The following VPS50 variants were observed in gnomAD, a reference collection of about 807,000 sequenced individuals.
VPS50 encodes the protein VPS50 subunit of EARP/GARPII complex, also known as syndetin.
In VPS50, 70 loss-of-function variants were observed where a neutral mutation model predicts 139.7. The ratio of observed to expected loss-of-function variants is 0.50; its 90% confidence interval spans 0.41 to 0.61. VPS50 has a LOEUF of 0.61. VPS50 is among the 20% of genes least tolerant of loss of function. The pLI, the probability that VPS50 is intolerant of heterozygous loss-of-function variation, is 0.00. For missense variants in VPS50, 921 were observed against 1,133.7 expected, an observed-to-expected ratio of 0.81 and a Z score of 2.69; for synonymous variants, 365 against 376.7, an observed-to-expected ratio of 0.97 and a Z score of 0.36.
intron 3 of VPS50, among the ~76,000 whole-genome samples, chr7:93,253,148 G>A (rs28384209): frequency 0.02 from 3,048 of 152,250 alleles, 113 homozygotes; most frequent in African/African-American, 0.069. Context: ...ATGCCATAGT[G>A]TTTATAATAC....
intron 11 of VPS50, among the ~76,000 whole-genome samples, chr7:93,275,322 G>A (rs944992287): frequency 7.2e-5 from 11 of 152,114 alleles, no homozygotes; most frequent in Admixed American, 5.9e-4. Flanking sequence ...AAACAGCATC[G>A]CATGCTACAG....
chr7:93,349,976 A>G lies in VPS50; in HGVS notation c.2406A>G (p.Lys802=). 6.2e-7 allele frequency: 1 copy of G among 1,613,000 alleles called. No homozygotes were observed. The highest frequency in any genetic ancestry group is 8.5e-7 in the Non-Finnish European group (1 of 1,179,072). ...TGCTGCTTCTCATGGCTAATGTGAA[A>G]TGGGATGTAAAAGAAATTATGTCAC... ...EQMLLLMANV[K]WDVKEIMSQH... The change falls in exon 25 of 28, where the codon AAA becomes AAG. Residue 802 remains lysine, a synonymous_variant. Transcript: ENST00000305866.
At chr7:93,285,155 C>G in intron 12 of VPS50, among the ~76,000 whole-genome samples, 1 of 150,844 alleles carries the variant, frequency 6.6e-6, no homozygotes, top group Non-Finnish European at 1.5e-5. Context: ...TGATAACCAA[C>G]CCTTTGTTGT....
chr7:93,340,524 T>C (rs568622272), intron 22 of VPS50: 2 of 152,282 alleles, frequency 1.3e-5, no homozygotes, highest in African/African-American at 4.8e-5. Context: ...ATGAGTCCCT[T>C]GCTATGTATT....
chr7:93,242,338 G>C (rs974357179), intron 2 of VPS50, among the ~76,000 whole-genome samples: 1 of 151,784 alleles, frequency 6.6e-6, no homozygotes, highest in Non-Finnish European at 1.5e-5. Flanking sequence ...AGGGCGATGA[G>C]ATAAACTCCT....
Position 93,353,837 on chromosome 7 carries a change from G to A in VPS50, c.2585+76G>A, listed in dbSNP as rs182161602. On this transcript the variant is annotated intron_variant, in intron 26 of 27. Coordinates refer to ENST00000305866, the MANE Select transcript of VPS50 (RefSeq NM_017667.4). Reference sequence around the variant, plus strand: ...ATATGAATAACATACGGTATTAATGGTTGGAGAGAATAAGTAGAAATAATA... The same window carrying A: ...ATATGAATAACATACGGTATTAATGATTGGAGAGAATAAGTAGAAATAATA... 1.6e-5 allele frequency: 18 copies of A among 1,155,048 alleles called. No individual in the cohort carries two copies. In the Admixed American group the frequency reaches 3.7e-4, roughly 24 times the overall value. 71.5% of individuals were successfully genotyped at this position (1,155,048 alleles called of 1,614,324 possible). A position where few individuals can be genotyped will look rare whatever the true frequency, so the allele number is the denominator to read the frequency against.
intron 1 of VPS50, among the ~76,000 whole-genome samples, chr7:93,236,395 C>T (rs1043154643): frequency 6.6e-6 from 1 of 152,138 alleles, no homozygotes; most frequent in Non-Finnish European, 1.5e-5. Context: ...CACAAATCAT[C>T]ACAGATGCTT....
intron 12 of VPS50, among the ~76,000 whole-genome samples, chr7:93,276,584 T>G (rs887650708): frequency 2.4e-4 from 37 of 152,190 alleles, no homozygotes; most frequent in Non-Finnish European, 4.1e-4. Context: ...GGCTCCAAAT[T>G]ATCTCTTATG....
At position 93,334,139 on chromosome 7, in the gene VPS50, T is replaced by C. The variant is rs1351378540; in HGVS notation, c.2000T>C (p.Leu667Pro). ...NDSLESTGLG[L>P]SSSRLRTTLN... ...CAGTTGGAATCAACTGGACTCGGCC[T>C]TAGTAGTAGTAGACTAAGAACAACT... Residue 667 changes from leucine to proline, a missense_variant, in exon 22 of 28, where the codon CTT (leucine) becomes CCT (proline). Coordinates refer to ENST00000305866, the MANE Select transcript of VPS50 (RefSeq NM_017667.4). 2 of 1,599,272 alleles carry C rather than the reference T, an allele frequency of 1.3e-6. No individual in the cohort carries two copies. The highest frequency in any genetic ancestry group is 1.7e-6 in the Non-Finnish European group (2 of 1,169,136).
In VPS50 at chr7:93,303,557, G is replaced by A; in HGVS notation, c.1452+7G>A. The A allele has an allele frequency of 1.5e-6, 2 of 1,357,350 alleles. No individual in the cohort carries two copies. The highest frequency in any genetic ancestry group is 2.4e-5 in the East Asian group (1 of 42,182). 84.1% of individuals were successfully genotyped at this position (1,357,350 alleles called of 1,614,324 possible). A position where few individuals can be genotyped will look rare whatever the true frequency, so the allele number is the denominator to read the frequency against. On this transcript the variant is annotated splice_region_variant and intron_variant, in intron 17 of 27. Coordinates refer to ENST00000305866, the MANE Select transcript of VPS50 (RefSeq NM_017667.4). The stretch of plus-strand genomic sequence containing the variant: ...CAGCATCTTGCAACTTCATGTAAGT[G>A]TTTCTTAAGAACAAAGAAATCTGTC...
intron 22 of VPS50, among the ~76,000 whole-genome samples, chr7:93,337,003 G>T (rs1798085788): frequency 6.6e-6 from 1 of 152,086 alleles, no homozygotes; most frequent in African/African-American, 2.4e-5. Context: ...TTTACTTATT[G>T]TACTCCTATA....
At chr7:93,242,497 CAT>C (rs918131977) in intron 2 of VPS50, among the ~76,000 whole-genome samples, 5 of 150,222 alleles carry the variant, frequency 3.3e-5, no homozygotes, top group African/African-American at 9.7e-5. Flanking sequence ...ATATATATAA[CAT>C]AGAAAATTCT....
intron 21 of VPS50, among the ~76,000 whole-genome samples, chr7:93,330,732 C>T (rs911716657): frequency 3.7e-5 from 4 of 106,712 alleles, no homozygotes; most frequent in African/African-American, 7.6e-5. Flanking sequence ...CCAGCCTGGG[C>T]AACTGGGCAA....
chr7:93,305,527 T>C (rs1797090185), intron 17 of VPS50, among the ~76,000 whole-genome samples: 1 of 151,888 alleles, frequency 6.6e-6, no homozygotes, highest in Non-Finnish European at 1.5e-5. Context: ...GAAGACATCA[T>C]TCAGATTTCT....
At chr7:93,266,692 A>C (rs1297655685) in intron 9 of VPS50, among the ~76,000 whole-genome samples, 1 of 152,140 alleles carries the variant, frequency 6.6e-6, no homozygotes, top group Non-Finnish European at 1.5e-5. Flanking sequence ...CTTGACCATA[A>C]TGTTGCATTT....
At chr7:93,281,472 T>G (rs752250286) in intron 12 of VPS50, among the ~76,000 whole-genome samples, 1 of 152,178 alleles carries the variant, frequency 6.6e-6, no homozygotes, top group African/African-American at 2.4e-5. Context: ...GTATTGACTC[T>G]CTTTACTATG....
intron 9 of VPS50, among the ~76,000 whole-genome samples, chr7:93,263,384 G>T (rs895556884): frequency 6.6e-6 from 1 of 152,044 alleles, no homozygotes; most frequent in Non-Finnish European, 1.5e-5. Flanking sequence ...TTTCCTTTTA[G>T]AAATGATTTT....
chr7:93,324,848 C>A (rs150582822), intron 21 of VPS50, among the ~76,000 whole-genome samples: 5 of 152,082 alleles, frequency 3.3e-5, no homozygotes, highest in Admixed American at 1.3e-4. Context: ...GAATCAATAT[C>A]GTGAAAATGG....
chr7:93,243,723 A>C (rs1050243947), intron 2 of VPS50, among the ~76,000 whole-genome samples: 1 of 151,952 alleles, frequency 6.6e-6, no homozygotes, highest in African/African-American at 2.4e-5. Flanking sequence ...ATTTGTTATA[A>C]TATATGATAG....
Sources: gnomAD v4.1 joint callset for allele counts (sites outside exome capture counted in the v4.1 genomes callset) on GRCh38, gnomAD v4.1.1 for gene constraint, MANE v1.5 for transcripts, NCBI Gene and HGNC (gene_info 2026-07-23, HGNC 2026-07-21) for gene names.